The following CEP350 variants were observed in gnomAD, a reference collection of about 807,000 sequenced individuals.
CEP350 encodes centrosomal protein 350, also known as centrosome-associated protein 350.
In CEP350, 126 loss-of-function variants were observed where a neutral mutation model predicts 331.8. That is an observed-to-expected ratio of 0.38 (90% CI 0.33 to 0.44). CEP350 has a LOEUF of 0.44. CEP350 is among the 20% of genes least tolerant of loss of function. The pLI is 1.00. For synonymous variants in CEP350, 1,200 were observed against 1,259.5 expected, an observed-to-expected ratio of 0.95 and a Z score of 1.00; for missense variants, 3,406 against 3,634.6, an observed-to-expected ratio of 0.94 and a Z score of 1.62.
Position 180,087,556 on chromosome 1 carries a change from CCT to C in CEP350, c.6286-19_6286-18del. On this transcript the variant is annotated intron_variant, in intron 31 of 37. Transcript: ENST00000367607. ...GTTTTAAAAATTCTGCCTAGTGACT[CCT>C]CTGGTTTTTCTAAACTTAGTCATAT... The C allele has an allele frequency of 1.3e-5, 20 of 1,525,256 alleles. No homozygotes were observed. Among genetic ancestry groups the C allele is most frequent in the Non-Finnish European group, 1.8e-5 (20 of 1,133,454 alleles). The allele number at this position is 1,525,256 out of a possible 1,614,324, so 94.5% of individuals were successfully genotyped here.
At chr1:179,970,845 C>T (rs925951191) in intron 1 of CEP350, among the ~76,000 whole-genome samples, 1 of 152,174 alleles carries the variant, frequency 6.6e-6, no homozygotes, top group African/African-American at 2.4e-5. Context: ...ATCATTGTTT[C>T]ACAGATGTTT....
At chr1:180,084,424 G>T (rs1055543463) in intron 31 of CEP350, 9 of 259,292 alleles carry the variant, frequency 3.5e-5, no homozygotes, top group African/African-American at 2.0e-4. Flanking sequence ...GAGTGCAGTG[G>T]CGCGATCTCT....
intron 30 of CEP350, among the ~76,000 whole-genome samples, 176 bp from the exon 31 acceptor site, chr1:180,083,842 G>A (rs1415718440): frequency 6.6e-6 from 1 of 151,970 alleles, no homozygotes; most frequent in African/African-American, 2.4e-5. Flanking sequence ...CGGCGGGGAG[G>A]GTGGGAATTA....
chr1:180,066,769 C>T (rs1658570022), intron 27 of CEP350, among the ~76,000 whole-genome samples: 1 of 152,126 alleles, frequency 6.6e-6, no homozygotes, highest in African/African-American at 2.4e-5. Context: ...TGCTTTCTTC[C>T]TTTCCTGATA....
intron 28 of CEP350, among the ~76,000 whole-genome samples, chr1:180,077,626 C>G (rs971228514): frequency 2.4e-4 from 34 of 143,812 alleles, no homozygotes; most frequent in African/African-American, 8.8e-4. Flanking sequence ...GTTCGTGCCA[C>G]TGCACTCCAG....
intron 1 of CEP350, among the ~76,000 whole-genome samples, chr1:179,967,826 T>C (rs1220474400): frequency 6.6e-6 from 1 of 152,254 alleles, no homozygotes; most frequent in African/African-American, 2.4e-5. Flanking sequence ...TGCACACGTA[T>C]ACTTATTTTT....
At chr1:179,977,134 T>C (rs1424667910) in intron 1 of CEP350, among the ~76,000 whole-genome samples, 2 of 152,202 alleles carry the variant, frequency 1.3e-5, no homozygotes, top group Non-Finnish European at 2.9e-5. Flanking sequence ...TTGAGTCGCT[T>C]CCTTAGGCCT....
chr1:180,003,147 A>C (rs1653980111), intron 6 of CEP350, 27 bp from the exon 7 acceptor site: 1 of 1,418,210 alleles, frequency 7.1e-7, no homozygotes, highest in African/African-American at 1.4e-5. Flanking sequence ...TTTGATAAGA[A>C]TATTCTGTGT....
intron 25 of CEP350, among the ~76,000 whole-genome samples, chr1:180,057,803 G>T (rs1657952099): frequency 6.6e-6 from 1 of 152,178 alleles, no homozygotes; most frequent in Admixed American, 6.5e-5. Context: ...TTATCCCTAG[G>T]TTGGGGCTCT....
rs1182995331 is a variant in CEP350, at chr1:180,112,766, G to A, written c.*1605G>A. On this transcript the variant is annotated 3_prime_UTR_variant, in exon 38 of 38. Coordinates refer to ENST00000367607, the MANE Select transcript of CEP350 (RefSeq NM_014810.5). The stretch of plus-strand genomic sequence containing the variant: ...GTATAATCTTTAAGTGTGCACGTTC[G>A]TTTATTTCTGCATCTTCCCTCCAAA... The A allele has an allele frequency of 6.6e-6, 1 of 152,584 alleles. No homozygotes were observed. Among genetic ancestry groups the A allele is most frequent in the Non-Finnish European group, 1.5e-5 (1 of 68,034 alleles). The allele number at this position is 152,584 out of a possible 1,614,324, so 9.5% of individuals were successfully genotyped here.
chr1:179,955,188 C>T, intron 1 of CEP350, 46 bp downstream of exon 1: 4 of 1,314,516 alleles, frequency 3.0e-6, no homozygotes, highest in East Asian at 4.2e-5. Flanking sequence ...TCTCGCTCAG[C>T]CTCAACTGTC....
chr1:180,099,723 T>C (rs891188421), intron 37 of CEP350, among the ~76,000 whole-genome samples: 1 of 152,154 alleles, frequency 6.6e-6, no homozygotes, highest in Non-Finnish European at 1.5e-5. Flanking sequence ...CAGTAATAAC[T>C]GTACTAGATA....
At chr1:179,959,395 A>G (rs1335788951) in intron 1 of CEP350, among the ~76,000 whole-genome samples, 2 of 152,202 alleles carry the variant, frequency 1.3e-5, no homozygotes, top group African/African-American at 4.8e-5. Flanking sequence ...TGGAGGTTGC[A>G]GTGAGCCAAG....
At chr1:180,096,002 A>G (rs1238030792) in intron 35 of CEP350, 36 bp from the exon 36 acceptor site, 5 of 1,546,436 alleles carry the variant, frequency 3.2e-6, no homozygotes, top group East Asian at 2.4e-5. Flanking sequence ...ATTCTTAGCC[A>G]TTTTGTTTTG....
intron 11 of CEP350, among the ~76,000 whole-genome samples, chr1:180,019,235 A>G (rs755154483): frequency 6.6e-6 from 1 of 152,180 alleles, no homozygotes; most frequent in Non-Finnish European, 1.5e-5. Flanking sequence ...GAGGAAGTCT[A>G]TGGTCTGGAA....
intron 6 of CEP350, among the ~76,000 whole-genome samples, 185 bp downstream of exon 6, chr1:179,997,360 T>C (rs1036980968): frequency 3.3e-5 from 5 of 151,826 alleles, no homozygotes; most frequent in Non-Finnish European, 7.4e-5. Flanking sequence ...GCTAACATGG[T>C]GAAACCCTGT....
chr1:180,105,737 A>C (rs1661106951), intron 37 of CEP350, among the ~76,000 whole-genome samples: 1 of 152,202 alleles, frequency 6.6e-6, no homozygotes, highest in African/African-American at 2.4e-5. Context: ...TTTTATCAAA[A>C]TCTTAATTAC....
intron 1 of CEP350, among the ~76,000 whole-genome samples, chr1:179,962,086 G>A (rs1650672279): frequency 6.6e-6 from 1 of 151,784 alleles, no homozygotes; most frequent in African/African-American, 2.4e-5. Flanking sequence ...AGCTCAAGTG[G>A]TCTGCCCACC....
At chr1:179,981,946 G>A (rs1652298610) in intron 1 of CEP350, among the ~76,000 whole-genome samples, 1 of 152,160 alleles carries the variant, frequency 6.6e-6, no homozygotes. Context: ...GCTGCAGTGA[G>A]CCTTGATTGC....
Sources: gnomAD v4.1 joint callset for allele counts (sites outside exome capture counted in the v4.1 genomes callset) on GRCh38, gnomAD v4.1.1 for gene constraint, MANE v1.5 for transcripts, NCBI Gene and HGNC (gene_info 2026-07-23, HGNC 2026-07-21) for gene names.